Variants in AGBL3 observed in about 807,000 individuals in gnomAD.
The protein encoded by AGBL3 is AGBL carboxypeptidase 3.
Under a neutral mutation model 94.5 loss-of-function variants are expected in AGBL3, and 68 were observed. The observed-to-expected ratio is 0.72, with a 90% CI of 0.59 to 0.88. The LOEUF is 0.88. Ranked by LOEUF, AGBL3 falls within the 40% of genes least tolerant of loss-of-function variation. The probability of loss-of-function intolerance (pLI) is 0.00; values close to 1 mark genes in which losing one functional copy is unlikely to be tolerated. For synonymous variants in AGBL3, 354 were observed against 370.7 expected (o/e 0.95, Z 0.52); for missense variants, 934 against 1,103.8 (o/e 0.85, Z 2.18).
intron 15 of AGBL3, among the ~76,000 whole-genome samples, chr7:135,101,843 A>G (rs1176290005): frequency 2.0e-5 from 3 of 152,094 alleles, no homozygotes; most frequent in African/African-American, 7.2e-5. Flanking sequence ...CATAATTCCC[A>G]CATGTTGTGG....
chr7:135,035,573 G>A (rs1318374080), intron 7 of AGBL3, among the ~76,000 whole-genome samples: 1 of 152,012 alleles, frequency 6.6e-6, no homozygotes, highest in Non-Finnish European at 1.5e-5. Context: ...TATAACATAA[G>A]TAGAATATCT....
At chr7:135,078,135 T>C (rs1455972197) in intron 13 of AGBL3, among the ~76,000 whole-genome samples, 1 of 152,210 alleles carries the variant, frequency 6.6e-6, no homozygotes, top group Admixed American at 6.5e-5. Flanking sequence ...GAAAAAATCT[T>C]AAACACTGAC....
At chr7:135,080,427 C>T (rs1820819080) in intron 14 of AGBL3, among the ~76,000 whole-genome samples, 167 bp downstream of exon 14, 1 of 152,266 alleles carries the variant, frequency 6.6e-6, no homozygotes, top group South Asian at 2.1e-4. Context: ...AGGAAAGAAA[C>T]AACAACAATC....
intron 3 of AGBL3, among the ~76,000 whole-genome samples, chr7:134,989,813 T>G (rs2133357485): frequency 6.6e-6 from 1 of 151,060 alleles, no homozygotes; most frequent in South Asian, 2.1e-4. Flanking sequence ...GAAATTGGAG[T>G]TAAGGCCTTT....
chr7:135,087,924 C>T (rs1229180938), intron 15 of AGBL3, among the ~76,000 whole-genome samples: 1 of 151,906 alleles, frequency 6.6e-6, no homozygotes, highest in Admixed American at 6.6e-5. Flanking sequence ...TGTTAAAGTC[C>T]TCTTTGATAT....
chr7:135,089,917 T>C (rs562164867), intron 15 of AGBL3, among the ~76,000 whole-genome samples: 1 of 152,100 alleles, frequency 6.6e-6, no homozygotes, highest in Non-Finnish European at 1.5e-5. Context: ...TTCCAGTGCA[T>C]GTTCACTCTC....
At chr7:135,033,106 T>C (rs1815943737) in intron 6 of AGBL3, 124 bp downstream of exon 6, 2 of 1,005,352 alleles carry the variant, frequency 2.0e-6, no homozygotes, top group Admixed American at 3.5e-5. Flanking sequence ...ATACTATTAA[T>C]AATTAGAAAT....
intron 8 of AGBL3, among the ~76,000 whole-genome samples, chr7:135,041,932 A>G (rs1303278626): frequency 6.6e-6 from 1 of 152,230 alleles, no homozygotes; most frequent in Admixed American, 6.5e-5. Flanking sequence ...GATGTTTGAC[A>G]TCAGTAGCCC....
intron 11 of AGBL3, among the ~76,000 whole-genome samples, chr7:135,047,760 A>G (rs1396429606): frequency 6.6e-6 from 1 of 151,852 alleles, no homozygotes; most frequent in Non-Finnish European, 1.5e-5. Flanking sequence ...TTCCTTATAT[A>G]TTTTGTAGAC....
intron 3 of AGBL3, among the ~76,000 whole-genome samples, chr7:134,991,390 T>C (rs1276687424): frequency 1.3e-5 from 2 of 152,162 alleles, no homozygotes; most frequent in East Asian, 3.8e-4. Context: ...CTGGGTCTTC[T>C]GTTAAGAAAG....
intron 12 of AGBL3, among the ~76,000 whole-genome samples, chr7:135,075,620 T>C (rs1009496125): frequency 9.2e-5 from 14 of 152,236 alleles, no homozygotes; most frequent in South Asian, 2.1e-4. Flanking sequence ...ATGGTAGTTA[T>C]GGTACATACA....
At chr7:135,099,843 T>G (rs1823497549) in intron 15 of AGBL3, 1 of 151,854 alleles carries the variant, frequency 6.6e-6, no homozygotes. Flanking sequence ...AGTTAGATAT[T>G]TATTTCTGTG....
chr7:134,993,269 A>G (rs1810530661), intron 3 of AGBL3, among the ~76,000 whole-genome samples: 1 of 152,238 alleles, frequency 6.6e-6, no homozygotes, highest in African/African-American at 2.4e-5. Flanking sequence ...AGCTTTTAGA[A>G]TAAATTAATA....
rs528304289 is a variant in AGBL3 at position 135,033,228 on chromosome 7, T to C, written c.557+246T>C. Among the ~76,000 whole-genome samples the C allele has an allele frequency of 3.9e-5, 6 of 152,318 alleles. No homozygotes were observed. The South Asian group carries it at 1.2e-3, about 32-fold the overall frequency. ...ACATTTTCAGTATGGCAATATGAAT[T>C]GTCACACACACAGTGCTTCTCAAAC... On this transcript the variant is annotated intron_variant, in intron 6 of 16. Transcript: ENST00000436302.
At chr7:135,047,504 A>G (rs1264708339) in intron 11 of AGBL3, among the ~76,000 whole-genome samples, 1 of 151,946 alleles carries the variant, frequency 6.6e-6, no homozygotes, top group Non-Finnish European at 1.5e-5. Context: ...CATAGTGTAC[A>G]AGGTTTTCAA....
chr7:135,069,815 T>A (rs1286063283), intron 12 of AGBL3, among the ~76,000 whole-genome samples: 1 of 151,928 alleles, frequency 6.6e-6, no homozygotes, highest in East Asian at 1.9e-4. Flanking sequence ...TTAAAAGAAC[T>A]AGAGAAGCAA....
intron 3 of AGBL3, among the ~76,000 whole-genome samples, chr7:134,992,655 G>A (rs1810439285): frequency 6.6e-6 from 1 of 152,146 alleles, no homozygotes; most frequent in Non-Finnish European, 1.5e-5. Flanking sequence ...ATTAGTTATT[G>A]ACCTGTAGTA....
At chr7:135,070,399 A>G (rs1819783379) in intron 12 of AGBL3, among the ~76,000 whole-genome samples, 2 of 152,232 alleles carry the variant, frequency 1.3e-5, no homozygotes, top group Admixed American at 1.3e-4. Flanking sequence ...TCCTGATACC[A>G]AAGCTTGGCA....
At chr7:135,032,760 G>C in intron 5 of AGBL3, 84 bp from the exon 6 acceptor site, 1 of 1,285,202 alleles carries the variant, frequency 7.8e-7, no homozygotes, top group Non-Finnish European at 1.0e-6. Flanking sequence ...CCTTACACTT[G>C]TACTATTGCT....
Sources: allele counts gnomAD v4.1 joint callset (sites outside exome capture counted in the v4.1 genomes callset), GRCh38; gene constraint gnomAD v4.1.1; transcripts MANE v1.5; gene names NCBI Gene and HGNC (gene_info 2026-07-23, HGNC 2026-07-21).